CSMD1: variants seen among roughly 807,000 people sequenced by gnomAD.
The protein encoded by CSMD1 is CUB and Sushi multiple domains 1.
A neutral mutation model predicts 417.5 loss-of-function variants in CSMD1; 213 were observed. The observed-to-expected ratio is 0.51, with a 90% CI of 0.46 to 0.57. The LOEUF is 0.57. Among genes scored for constraint, CSMD1 ranks in the 20% least tolerant of loss-of-function variants. The pLI is 0.00. For synonymous variants in CSMD1, 2,862 were observed against 1,736.8 expected (o/e 1.65, Z -16.11); for missense variants, 6,923 against 4,529.7 (o/e 1.53, Z -15.17).
intron 65 of CSMD1, 65 bp downstream of exon 65, chr8:2,954,159 C>G: frequency 1.3e-6 from 1 of 785,764 alleles, no homozygotes; most frequent in Admixed American, 3.8e-5. Flanking sequence ...AATAGTTTCA[C>G]TGTGCAGAGT....
intron 5 of CSMD1, among the ~76,000 whole-genome samples, chr8:3,760,181 T>C (rs889807270): frequency 2.0e-5 from 3 of 152,134 alleles, no homozygotes; most frequent in Non-Finnish European, 4.4e-5. Flanking sequence ...CTGGAGCATC[T>C]CAATCTAGGT....
intron 10 of CSMD1, among the ~76,000 whole-genome samples, chr8:3,540,164 C>A (rs940809923): frequency 6.6e-6 from 1 of 152,186 alleles, no homozygotes; most frequent in East Asian, 1.9e-4. Flanking sequence ...GAGTGTAACA[C>A]AGTGACAGTT....
chr8:4,562,492 C>T (rs956310476), intron 2 of CSMD1, among the ~76,000 whole-genome samples: 1 of 152,058 alleles, frequency 6.6e-6, no homozygotes, highest in South Asian at 2.1e-4. Flanking sequence ...TCTTATCAGT[C>T]GTAAAACAAA....
chr8:4,185,138 CAAAAAAAAAAA>C (rs56216926), intron 3 of CSMD1, among the ~76,000 whole-genome samples: 1 of 75,120 alleles, frequency 1.3e-5, no homozygotes. Flanking sequence ...AATTTTGCCT[CAAAAAAAAAAA>C]AAAAAAAAAA....
intron 3 of CSMD1, among the ~76,000 whole-genome samples, chr8:4,220,361 C>T (rs935352646): frequency 3.3e-5 from 5 of 152,162 alleles, no homozygotes; most frequent in Admixed American, 6.6e-5. Flanking sequence ...GAAAGAGGAC[C>T]ACACCATGAG....
chr8:3,217,120 G>A (rs1374938082), intron 29 of CSMD1, among the ~76,000 whole-genome samples: 1 of 152,040 alleles, frequency 6.6e-6, no homozygotes, highest in Non-Finnish European at 1.5e-5. Context: ...GGATGCAATG[G>A]CATCACTGCT....
intron 54 of CSMD1, among the ~76,000 whole-genome samples, chr8:2,980,736 G>C (rs1002046403): frequency 8.5e-5 from 13 of 152,282 alleles, no homozygotes; most frequent in South Asian, 2.1e-4. Flanking sequence ...TCTTGCCGTG[G>C]AAAGAGGTGC....
At chr8:3,811,401 T>A (rs961345918) in intron 5 of CSMD1, among the ~76,000 whole-genome samples, 3 of 152,178 alleles carry the variant, frequency 2.0e-5, no homozygotes, top group Non-Finnish European at 4.4e-5. Context: ...CTATAGACCA[T>A]GTAGTAAGGC....
intron 3 of CSMD1, among the ~76,000 whole-genome samples, chr8:4,330,513 C>T (rs541974216): frequency 6.0e-5 from 9 of 151,172 alleles, no homozygotes; most frequent in East Asian, 2.0e-4. Flanking sequence ...TCACTTGAAC[C>T]GAGGAGGCAG....
chr8:4,418,089 A>G (rs1223061901), intron 3 of CSMD1, among the ~76,000 whole-genome samples: 5 of 152,106 alleles, frequency 3.3e-5, no homozygotes, highest in Non-Finnish European at 7.4e-5. Flanking sequence ...ACTAAATACT[A>G]GATACAATTT....
intron 40 of CSMD1, among the ~76,000 whole-genome samples, chr8:3,149,048 A>C (rs979924414): frequency 6.6e-6 from 1 of 152,204 alleles, no homozygotes; most frequent in Admixed American, 6.5e-5. Flanking sequence ...TTTAAGATTT[A>C]CATCAGTTTA....
intron 3 of CSMD1, among the ~76,000 whole-genome samples, chr8:4,249,550 C>T (rs1408894169): frequency 6.6e-6 from 1 of 152,160 alleles, no homozygotes. Flanking sequence ...TCAGGGAGAC[C>T]TGAGGAGCGG....
intron 7 of CSMD1, among the ~76,000 whole-genome samples, chr8:3,658,079 C>T (rs949345198): frequency 1.3e-5 from 2 of 152,144 alleles, no homozygotes; most frequent in Admixed American, 6.5e-5. Context: ...GCATTCAGCA[C>T]TGATTATCAC....
chr8:4,748,808 T>C (rs1190186551), intron 1 of CSMD1, among the ~76,000 whole-genome samples: 2 of 152,242 alleles, frequency 1.3e-5, no homozygotes, highest in African/African-American at 4.8e-5. Flanking sequence ...GCATCACCAT[T>C]GTGAACATAT....
chr8:4,274,658 T>G (rs1796374395), intron 3 of CSMD1, among the ~76,000 whole-genome samples: 1 of 152,158 alleles, frequency 6.6e-6, no homozygotes. Flanking sequence ...CCATTAAATT[T>G]ACTTAAAATA....
chr8:4,916,338 T>C (rs1051739141), intron 1 of CSMD1, among the ~76,000 whole-genome samples: 8 of 152,226 alleles, frequency 5.3e-5, no homozygotes, highest in African/African-American at 1.9e-4. Context: ...TATGGGCAAC[T>C]TTTAAATATG....
intron 3 of CSMD1, among the ~76,000 whole-genome samples, chr8:4,336,912 A>G (rs1183941606): frequency 1.3e-5 from 2 of 152,144 alleles, no homozygotes. Flanking sequence ...TTCCATAATA[A>G]ATAATAACAA....
intron 7 of CSMD1, among the ~76,000 whole-genome samples, chr8:3,641,346 A>T (rs1232871185): frequency 6.6e-6 from 1 of 152,080 alleles, no homozygotes; most frequent in Non-Finnish European, 1.5e-5. Flanking sequence ...ACAATCCCCA[A>T]GTGGAGCCCT....
intron 1 of CSMD1, among the ~76,000 whole-genome samples, chr8:4,906,953 A>C (rs1395865279): frequency 6.6e-6 from 1 of 152,194 alleles, no homozygotes; most frequent in Non-Finnish European, 1.5e-5. Context: ...GTCTTTCCTA[A>C]ATGACTTGCC....
Sources: allele counts gnomAD v4.1 joint callset (sites outside exome capture counted in the v4.1 genomes callset), GRCh38; gene constraint gnomAD v4.1.1; transcripts MANE v1.5; gene names NCBI Gene and HGNC (gene_info 2026-07-23, HGNC 2026-07-21).